Variants in ST14 observed in about 807,000 individuals in gnomAD.
The protein encoded by ST14 is suppressor of tumorigenicity 14 protein.
Under a neutral mutation model 96.5 loss-of-function variants are expected in ST14, and 40 were observed. The ratio of observed to expected loss-of-function variants is 0.41; its 90% CI spans 0.32 to 0.54. ST14 has a LOEUF of 0.54. Ranked by LOEUF, ST14 falls within the 20% of genes least tolerant of loss-of-function variation. The pLI, the probability that ST14 is intolerant of heterozygous loss-of-function variation, is 0.17. For synonymous variants in ST14, 506 were observed against 492.1 expected (o/e 1.03, Z -0.37); for missense variants, 1,066 against 1,188.9 (o/e 0.90, Z 1.52).
intron 15 of ST14, among the ~76,000 whole-genome samples, chr11:130,199,375 G>T (rs1332607745): frequency 2.6e-5 from 4 of 152,184 alleles, no homozygotes; most frequent in African/African-American, 9.6e-5. Flanking sequence ...TGGAGCAGTA[G>T]CCTGGAGAAG....
intron 16 of ST14, among the ~76,000 whole-genome samples, chr11:130,203,807 C>T (rs1236783150): frequency 1.3e-5 from 2 of 152,172 alleles, no homozygotes; most frequent in African/African-American, 2.4e-5. Context: ...CATGCGCCAC[C>T]GTGCCCGGCT....
intron 16 of ST14, among the ~76,000 whole-genome samples, chr11:130,207,545 C>T (rs565967077): frequency 3.9e-5 from 6 of 152,040 alleles, no homozygotes; most frequent in East Asian, 2.0e-4. Context: ...AGTGAGACTT[C>T]GTCTCAAAAA....
At chr11:130,167,286 A>T (rs536730468) in intron 1 of ST14, among the ~76,000 whole-genome samples, 6 of 152,332 alleles carry the variant, frequency 3.9e-5, no homozygotes, top group African/African-American at 9.6e-5. Context: ...TTGCCTATGC[A>T]TGTTTTCTAA....
At chr11:130,196,945 C>T (rs745528885) in intron 11 of ST14, among the ~76,000 whole-genome samples, 4 of 152,168 alleles carry the variant, frequency 2.6e-5, no homozygotes, top group Non-Finnish European at 5.9e-5. Context: ...GAGGTACCTG[C>T]GGCTGGAGAC....
intron 1 of ST14, among the ~76,000 whole-genome samples, chr11:130,178,587 G>A (rs1300126823): frequency 6.6e-6 from 1 of 152,176 alleles, no homozygotes; most frequent in African/African-American, 2.4e-5. Context: ...CTCACAGCTG[G>A]GCTGAGTCAG....
Position 130,208,438 on chromosome 11 carries a change from T to G in ST14, c.2023T>G (p.Phe675Val). ...RYSDPTQWTA[F>V]LGLHDQSQRS... ...CTCAGACCCCACGCAGTGGACGGCC[T>G]TCCTGGGCTTGCACGACCAGAGCCA... The change falls in exon 17 of 19, where the codon TTC becomes GTC. Residue 675 changes from phenylalanine to valine, a missense_variant. By Grantham distance (50) the Phe-to-Val change is conservative. Transcript: ENST00000278742. The G allele has an allele frequency of 1.2e-6, 2 of 1,614,132 alleles. No individual in the cohort carries two copies. Among genetic ancestry groups the G allele is most frequent in the Non-Finnish European group, 1.7e-6 (2 of 1,180,028 alleles).
chr11:130,198,196 G>A, intron 12 of ST14, 112 bp from the exon 13 acceptor site: 1 of 1,094,124 alleles, frequency 9.1e-7, no homozygotes, highest in Non-Finnish European at 1.4e-6. Flanking sequence ...GGCCCCTTGG[G>A]CCTCTCTGTA....
chr11:130,198,157 T>A, intron 12 of ST14, 151 bp from the exon 13 acceptor site: 1 of 915,542 alleles, frequency 1.1e-6, no homozygotes. Context: ...TCGGAAGTGC[T>A]GAGGTCAGCT....
At chr11:130,192,545 C>T (rs1033553715) in intron 7 of ST14, among the ~76,000 whole-genome samples, 1 of 152,200 alleles carries the variant, frequency 6.6e-6, no homozygotes, top group African/African-American at 2.4e-5. Context: ...TGCGCCACAA[C>T]ACTCAGCTAA....
At chr11:130,205,687 T>A (rs1953477890) in intron 16 of ST14, among the ~76,000 whole-genome samples, 1 of 150,108 alleles carries the variant, frequency 6.7e-6, no homozygotes, top group African/African-American at 2.4e-5. Flanking sequence ...CCCATCATGT[T>A]CTTCTTTAGA....
chr11:130,177,182 T>C (rs910833639), intron 1 of ST14, among the ~76,000 whole-genome samples: 3 of 152,022 alleles, frequency 2.0e-5, no homozygotes, highest in African/African-American at 7.2e-5. Flanking sequence ...CCAACTCTAT[T>C]TGGGCAATGG....
In ST14 at chr11:130,159,988, C is replaced by A; in HGVS notation, c.9C>A (p.Ser3Arg). The A allele has an allele frequency of 7.2e-7, 1 of 1,397,432 alleles. No homozygotes were observed. Among genetic ancestry groups the A allele is most frequent in the Non-Finnish European group, 9.4e-7 (1 of 1,065,066 alleles). 86.6% of individuals were successfully genotyped at this position (1,397,432 alleles called of 1,614,324 possible). A position where few individuals can be genotyped will look rare whatever the true frequency, so the allele number is the denominator to read the frequency against. Reference protein sequence around the residue: MGSDRARKGGGGP... With the variant: MGRDRARKGGGGP... ...GAGCGGCCTCGGGGACCATGGGGAG[C>A]GATCGGGCCCGCAAGGGCGGAGGGG... The change falls in exon 1 of 19, where the codon AGC becomes AGA. Residue 3 changes from serine (S) to arginine (R), a missense_variant. Coordinates refer to ENST00000278742, the MANE Select transcript of ST14 (RefSeq NM_021978.4).
intron 1 of ST14, among the ~76,000 whole-genome samples, chr11:130,183,821 C>A (rs759766325): frequency 6.6e-6 from 1 of 152,170 alleles, no homozygotes. Flanking sequence ...AGTACAAAGA[C>A]AGCTACGGGA....
At chr11:130,160,209 G>C (rs2136198812) in intron 1 of ST14, 149 bp downstream of exon 1, 3 of 520,520 alleles carry the variant, frequency 5.8e-6, no homozygotes, top group South Asian at 1.2e-4. Flanking sequence ...AGCGGGTGCC[G>C]GGCCGCGGGC....
intron 1 of ST14, among the ~76,000 whole-genome samples, chr11:130,160,963 T>C (rs933565564): frequency 2.6e-5 from 4 of 152,158 alleles, no homozygotes; most frequent in East Asian, 1.9e-4. Context: ...GTTTTGCTCC[T>C]CTGCAAATGA....
In ST14 at chr11:130,188,610, T is replaced by C; in HGVS notation, c.322T>C (p.Ser108Pro). ...GAATTTTGTGGATGCCTACGAGAAC[T>C]CCAACTCCACTGAGTTTGTAAGCCT... ...NENFVDAYEN[S>P]NSTEFVSLAS... Residue 108 changes from serine (S) to proline (P), a missense_variant, in exon 3 of 19, where the codon TCC becomes CCC. Physicochemically the swap from Ser to Pro is moderately conservative, Grantham distance 74 (BLOSUM62 -1). Coordinates refer to ENST00000278742, the MANE Select transcript of ST14 (RefSeq NM_021978.4). The surrounding 1 kb of genome is among the most constrained non-coding windows in gnomAD (Gnocchi z 5.4). The C allele has an allele frequency of 6.2e-7, 1 of 1,614,194 alleles. No individual in the cohort carries two copies. Among genetic ancestry groups the C allele is most frequent in the South Asian group, 1.1e-5 (1 of 91,092 alleles).
At chr11:130,207,251 T>C (rs1304914054) in intron 16 of ST14, among the ~76,000 whole-genome samples, 2 of 152,140 alleles carry the variant, frequency 1.3e-5, no homozygotes. Flanking sequence ...TTTAGGCCAG[T>C]TTTTAAGAAT....
At chr11:130,203,666 T>C (rs1953455687) in intron 16 of ST14, among the ~76,000 whole-genome samples, 1 of 152,348 alleles carries the variant, frequency 6.6e-6, no homozygotes, top group Non-Finnish European at 1.5e-5. Context: ...TTTTCTTTTT[T>C]TTTGAGACCG....
At chr11:130,206,575 TTTTC>T (rs1490779605) in intron 16 of ST14, among the ~76,000 whole-genome samples, 1 of 151,476 alleles carries the variant, frequency 6.6e-6, no homozygotes, top group East Asian at 1.9e-4. Context: ...TTCTTTTTTT[TTTTC>T]TTTTTTGAGG....
Sources: gnomAD v4.1 joint callset for allele counts (sites outside exome capture counted in the v4.1 genomes callset) on GRCh38, gnomAD v4.1.1 for gene constraint, Gnocchi (gnomAD v3.1) non-coding constraint, MANE v1.5 for transcripts, NCBI Gene and HGNC (gene_info 2026-07-23, HGNC 2026-07-21) for gene names.